OLFML2B: variants seen among roughly 807,000 people sequenced by gnomAD.
OLFML2B encodes olfactomedin like 2B, also known as olfactomedin-like protein 2B.
A neutral mutation model predicts 74.9 loss-of-function variants in OLFML2B; 57 were observed. The observed-to-expected ratio is 0.76, with a 90% CI of 0.61 to 0.95. The LOEUF (loss-of-function observed/expected upper bound fraction) is 0.95, where lower values mean the gene tolerates loss of function less well. Among genes scored for constraint, OLFML2B ranks in the 40% least tolerant of loss-of-function variants. OLFML2B has a pLI of 0.00. For missense variants in OLFML2B, 986 were observed against 970.6 expected (o/e 1.02, Z -0.21); for synonymous variants, 388 against 405.8 (o/e 0.96, Z 0.53).
At chr1:162,000,462 T>C (rs570840823) in intron 4 of OLFML2B, 124 bp from the exon 5 acceptor site, 12 of 659,016 alleles carry the variant, frequency 1.8e-5, no homozygotes, top group Admixed American at 5.3e-5. Flanking sequence ...AGCCAGGCAC[T>C]GTTCTAAGTG....
Position 161,984,193 on chromosome 1 carries a change from G to C in OLFML2B, c.1735C>G (p.Arg579Gly). The change falls in exon 8 of 8, where the codon CGC becomes GGC. Residue 579 changes from arginine to glycine, a missense_variant. Physicochemically the swap from Arg to Gly is moderately radical, Grantham distance 125. Transcript: ENST00000294794. ...TTGATGATGTTGCGGGTGAAGGCGC[G>C]ATTGTAGTAGAAGGCGCCATTGTAT... ...VVYNGAFYYN[R>G]AFTRNIIKYD... 1 of 1,592,676 alleles carries C rather than the reference G, an allele frequency of 6.3e-7. No individual in the cohort carries two copies. The highest frequency in any genetic ancestry group is 8.5e-7 in the Non-Finnish European group (1 of 1,169,680).
At chr1:162,005,500 A>G (rs993023426) in intron 4 of OLFML2B, among the ~76,000 whole-genome samples, 1 of 152,244 alleles carries the variant, frequency 6.6e-6, no homozygotes, top group Non-Finnish European at 1.5e-5. Context: ...TTATGAAAAT[A>G]TGTAGTAAAT....
Position 161,985,435 on chromosome 1 carries a change from G to A in OLFML2B, c.1475-455C>T, listed in dbSNP as rs571463970. ...CTCCACGCCTGCCCCCAACCGGAGCGTAAGCACCAAGGGATGAGGGAATGT... is the reference window on the plus strand; with the variant it reads ...CTCCACGCCTGCCCCCAACCGGAGCATAAGCACCAAGGGATGAGGGAATGT... On this transcript the variant is annotated intron_variant, in intron 6 of 7. Transcript: ENST00000294794. Among the ~76,000 whole-genome samples, 469 of 152,296 alleles carry A rather than the reference G, an allele frequency of 3.1e-3. 2 individuals are homozygous for A. The highest frequency in any genetic ancestry group is 0.011 in the African/African-American group (454 of 41,566).
In OLFML2B at chr1:162,022,815, T is replaced by A. The variant is rs1690760965; in HGVS notation, c.174+442A>T. On this transcript the variant is annotated intron_variant, in intron 1 of 7. Transcript: ENST00000294794. ...TCATCACACATGCTTCTGTTCTGAC[T>A]TCACCCCATGCTCCCGCCTGGTGTC... Among the ~76,000 whole-genome samples the A allele has an allele frequency of 2.6e-5, 4 of 152,092 alleles. No homozygotes were observed. In the South Asian group the frequency reaches 8.3e-4, roughly 31 times the overall value.
At position 161,983,884 on chromosome 1, in the gene OLFML2B, C is replaced by T; in HGVS notation, c.2044G>A (p.Val682Met). 1 of 1,614,228 alleles carries T rather than the reference C, an allele frequency of 6.2e-7. No individual in the cohort carries two copies. Among genetic ancestry groups the T allele is most frequent in the Non-Finnish European group, 8.5e-7 (1 of 1,180,046 alleles). Residue 682 changes from valine (V) to methionine (M), a missense_variant, in exon 8 of 8, where the codon GTG (valine) becomes ATG (methionine). Val to Met is a conservative substitution (Grantham distance 21). Transcript: ENST00000294794. ...FYGNCFVICG[V>M]LYAVDSYNQR... Reference sequence around the variant, plus strand: ...TTGTAGCTATCCACGGCATACAGCACCCCACAGATGACGAAGCAGTTGCCG... The same window carrying T: ...TTGTAGCTATCCACGGCATACAGCATCCCACAGATGACGAAGCAGTTGCCG...
At chr1:161,999,317 T>C (rs546299226) in intron 5 of OLFML2B, among the ~76,000 whole-genome samples, 23 of 152,030 alleles carry the variant, frequency 1.5e-4, no homozygotes, top group Non-Finnish European at 3.2e-4. Flanking sequence ...GCAATACATA[T>C]GATGGCAAAG....
In OLFML2B at chr1:161,984,236, G is replaced by C. The variant is rs780607239; in HGVS notation, c.1692C>G (p.Ile564Met). 1.9e-6 allele frequency: 3 copies of C among 1,539,026 alleles called. No individual in the cohort carries two copies. The highest frequency in any genetic ancestry group is 2.6e-6 in the Non-Finnish European group (3 of 1,143,930). The change falls in exon 8 of 8, where the codon ATC becomes ATG. Residue 564 changes from isoleucine to methionine, a missense_variant. By Grantham distance (10) the Ile-to-Met change is conservative (BLOSUM62 1). Coordinates refer to ENST00000294794, the MANE Select transcript of OLFML2B (RefSeq NM_015441.3). ...SNSYKLPYSW[I>M]GTGHVVYNGA... ...CATTGTATACCACGTGGCCTGTGCC[G>C]ATCCAGCTGTACGGGAGCTTGTAGG...
intron 5 of OLFML2B, among the ~76,000 whole-genome samples, chr1:161,998,650 C>T (rs1216333654): frequency 1.3e-5 from 2 of 152,120 alleles, no homozygotes; most frequent in African/African-American, 4.8e-5. Context: ...GTAAGTGAGT[C>T]ATCCAATCCA....
At chr1:162,000,613 G>T (rs1168553061) in intron 4 of OLFML2B, among the ~76,000 whole-genome samples, 1 of 152,236 alleles carries the variant, frequency 6.6e-6, no homozygotes, top group Admixed American at 6.5e-5. Context: ...CCCACAACAG[G>T]TAAGTGGTAA....
chr1:162,012,102 A>G (rs529114994), intron 3 of OLFML2B, among the ~76,000 whole-genome samples: 1 of 152,220 alleles, frequency 6.6e-6, no homozygotes, highest in Non-Finnish European at 1.5e-5. Flanking sequence ...ACGTATAAGG[A>G]CACTGAAGTC....
At chr1:162,012,830 T>C (rs778739361) in intron 3 of OLFML2B, among the ~76,000 whole-genome samples, 4 of 152,238 alleles carry the variant, frequency 2.6e-5, no homozygotes, top group Non-Finnish European at 4.4e-5. Context: ...TCATAAAATT[T>C]GCAAATTTTA....
rs1429777571 is a variant in OLFML2B at position 161,984,132 on chromosome 1, G to T, written c.1796C>A (p.Ala599Asp). 3 of 1,611,022 alleles carry T rather than the reference G, an allele frequency of 1.9e-6. No individual in the cohort carries two copies. Among genetic ancestry groups the T allele is most frequent in the South Asian group, 1.1e-5 (1 of 90,686 alleles). ...CTCGTAGGCCACGTCATGCAGCATG[G>T]CCCAGGCAGCCACGTAGCGCTGCTT... ...DLKQRYVAAW[A>D]MLHDVAYEEA... is the part of the protein sequence containing the mutation. Residue 599 changes from alanine (A) to aspartate (D), a missense_variant, in exon 8 of 8, where the codon GCC becomes GAC. Ala to Asp is a moderately radical substitution (Grantham distance 126, BLOSUM62 -2). Transcript: ENST00000294794.
Position 162,020,070 on chromosome 1 carries a change from G to GC in OLFML2B, c.286dup (p.Ala96GlyfsTer84). The GC allele has an allele frequency of 6.2e-7, 1 of 1,614,134 alleles. No homozygotes were observed. Among genetic ancestry groups the GC allele is most frequent in the Non-Finnish European group, 8.5e-7 (1 of 1,180,042 alleles). On this transcript the variant is annotated frameshift_variant, in exon 2 of 8. Transcript: ENST00000294794. LOFTEE classifies it high-confidence loss of function. ...GGTATAGAAGTCTTCCTTCCTGGAG[G>GC]CCCCCGCATTGATCCTCTGGCAGGC...
At position 161,984,099 on chromosome 1, in the gene OLFML2B, G is replaced by T. The variant is rs760989752; in HGVS notation, c.1829C>A (p.Thr610Asn). Residue 610 changes from threonine to asparagine, a missense_variant, in exon 8 of 8, where the codon ACC becomes AAC. Physicochemically the swap from Thr to Asn is moderately conservative, Grantham distance 65. Coordinates refer to ENST00000294794, the MANE Select transcript of OLFML2B (RefSeq NM_015441.3). ...TGAGTGGCCCTGCCATCGCCAGGGG[G>T]TGGCCTCCTCGTAGGCCACGTCATG... ...MLHDVAYEEA[T>N]PWRWQGHSDV... is the part of the protein sequence containing the mutation. 3.7e-6 allele frequency: 6 copies of T among 1,612,116 alleles called. No homozygotes were observed. In the South Asian group the frequency reaches 4.4e-5, roughly 12 times the overall value.
At chr1:161,990,389 AC>A (rs1689702599) in intron 6 of OLFML2B, among the ~76,000 whole-genome samples, 1 of 152,252 alleles carries the variant, frequency 6.6e-6, no homozygotes, top group Admixed American at 6.5e-5. Flanking sequence ...TTGGTTCCAG[AC>A]CACTGTAATA....
At chr1:162,009,221 T>TA (rs1357245671) in intron 3 of OLFML2B, among the ~76,000 whole-genome samples, 1 of 152,196 alleles carries the variant, frequency 6.6e-6, no homozygotes, top group Non-Finnish European at 1.5e-5. Flanking sequence ...ATGTGACAGA[T>TA]GCACGCACTG....
intron 6 of OLFML2B, among the ~76,000 whole-genome samples, chr1:161,990,588 C>T (rs1028520028): frequency 7.9e-5 from 12 of 152,144 alleles, no homozygotes; most frequent in East Asian, 7.7e-4. Context: ...TTCAGTGGGT[C>T]GTCATCTTTT....
At chr1:161,992,866 G>T (rs546249417) in intron 6 of OLFML2B, among the ~76,000 whole-genome samples, 218 of 152,298 alleles carry the variant, frequency 1.4e-3, no homozygotes, top group Middle Eastern at 0.01. Flanking sequence ...TTGAGATATT[G>T]CAAGAATTAC....
intron 3 of OLFML2B, among the ~76,000 whole-genome samples, chr1:162,006,949 CA>C (rs1341366779): frequency 6.6e-6 from 1 of 151,912 alleles, no homozygotes; most frequent in Non-Finnish European, 1.5e-5. Flanking sequence ...ACAACAACAA[CA>C]AAAAACTACT....
Sources: allele counts gnomAD v4.1 joint callset (sites outside exome capture counted in the v4.1 genomes callset), GRCh38; gene constraint gnomAD v4.1.1; transcripts MANE v1.5; gene names NCBI Gene and HGNC (gene_info 2026-07-23, HGNC 2026-07-21).